Variants in DMD observed in about 807,000 individuals in gnomAD.
The protein encoded by DMD is mutant dystrophin.
In DMD, 63 loss-of-function variants were observed where a neutral mutation model predicts 330.1. That is an observed-to-expected ratio of 0.19 (90% CI 0.16 to 0.24). The LOEUF (loss-of-function observed/expected upper bound fraction) is 0.24, where lower values mean the gene tolerates loss of function less well. Ranked by LOEUF, DMD falls within the 10% of genes least tolerant of loss-of-function variation. The pLI is 1.00. For synonymous variants in DMD, 1,223 were observed against 959.8 expected (o/e 1.27, Z -5.07); for missense variants, 3,344 against 2,684.1 (o/e 1.25, Z -5.43).
intron 29 of DMD, among the ~76,000 whole-genome samples, chrX:32,428,793 G>T (rs964551147): frequency 3.6e-5 from 4 of 110,975 alleles, no homozygotes; most frequent in African/African-American, 6.6e-5. Flanking sequence ...TGTATTTTTA[G>T]CAGAGACGGG....
intron 2 of DMD, among the ~76,000 whole-genome samples, chrX:32,857,924 C>A (rs1314472509): frequency 9.1e-6 from 1 of 110,343 alleles, no homozygotes; most frequent in Non-Finnish European, 1.9e-5. Flanking sequence ...CTGGAGGTAA[C>A]CAAAATGGAG....
At position 33,211,448 on chromosome X, in the gene DMD, T is replaced by C; in HGVS notation, c.-136A>G. 8.8e-7 allele frequency: 1 copy of C among 1,140,986 alleles called. No homozygotes were observed. The highest frequency in any genetic ancestry group is 1.2e-6 in the Non-Finnish European group (1 of 859,977). 94.0% of individuals were successfully genotyped at this position (1,140,986 alleles called of 1,213,427 possible). On this transcript the variant is annotated 5_prime_UTR_variant, in exon 1 of 79. Coordinates refer to ENST00000357033, the MANE Select transcript of DMD (RefSeq NM_004006.3). ...TTTAAAAAAAGTAACACTTCAGTTT[T>C]TCCTATTCGTTTTTCTCCGAAGGTA...
intron 62 of DMD, among the ~76,000 whole-genome samples, chrX:31,278,091 A>G (rs774977595): frequency 2.7e-5 from 3 of 111,215 alleles, no homozygotes; most frequent in Admixed American, 1.9e-4. Context: ...TCTTTCAATC[A>G]TACAAGCATG....
chrX:31,632,966 G>A (rs1402222792), intron 54 of DMD, among the ~76,000 whole-genome samples: 1 of 111,758 alleles, frequency 8.9e-6, no homozygotes, highest in Non-Finnish European at 1.9e-5. Context: ...TGGATTAGTA[G>A]TCCATTCCTA....
chrX:32,615,911 G>T (rs1047708763), intron 11 of DMD, among the ~76,000 whole-genome samples: 5 of 111,211 alleles, frequency 4.5e-5, no homozygotes, highest in Non-Finnish European at 9.5e-5. Context: ...ACTATTTTTT[G>T]TATTTCAGTA....
intron 5 of DMD, among the ~76,000 whole-genome samples, chrX:32,820,459 A>T (rs376831770): frequency 0.011 from 1,266 of 111,730 alleles, 16 homozygotes; most frequent in African/African-American, 0.038. Flanking sequence ...AAAAATAAAA[A>T]AATAATAATA....
At chrX:32,121,715 G>A (rs751311777) in intron 44 of DMD, among the ~76,000 whole-genome samples, 2 of 92,645 alleles carry the variant, frequency 2.2e-5, no homozygotes, top group Admixed American at 2.4e-4. Flanking sequence ...GAGCAGAAGG[G>A]CATTGGAAGG....
At chrX:32,593,529 A>C (rs808549) in intron 13 of DMD, among the ~76,000 whole-genome samples, 56,633 of 110,279 alleles carry the variant, frequency 0.51, 11,879 homozygotes, top group African/African-American at 0.8. Context: ...AAAGAGGGAG[A>C]CTGAGATATA....
At chrX:32,314,817 G>A (rs754413171) in intron 41 of DMD, among the ~76,000 whole-genome samples, 1 of 111,868 alleles carries the variant, frequency 8.9e-6, no homozygotes, top group Non-Finnish European at 1.9e-5. Context: ...TTAGAGAAAT[G>A]CAAGTCAAAA....
intron 60 of DMD, among the ~76,000 whole-genome samples, chrX:31,356,728 G>A (rs2058694146): frequency 8.9e-6 from 1 of 111,920 alleles, no homozygotes; most frequent in Non-Finnish European, 1.9e-5. Flanking sequence ...CTGTGATAAT[G>A]GAGTCAGGTT....
intron 13 of DMD, among the ~76,000 whole-genome samples, chrX:32,575,980 G>A (rs2052999302): frequency 8.9e-6 from 1 of 112,169 alleles, no homozygotes; most frequent in African/African-American, 3.2e-5. Context: ...AGGTGGAAAT[G>A]TATAATTTAT....
At chrX:32,397,257 T>G (rs6631572) in intron 30 of DMD, among the ~76,000 whole-genome samples, 51,249 of 110,139 alleles carry the variant, frequency 0.47, 10,534 homozygotes, top group East Asian at 0.81. Context: ...ATATGGATAG[T>G]AAGCATTTGA....
At chrX:32,988,317 TA>T (rs1295364857) in intron 2 of DMD, among the ~76,000 whole-genome samples, 2 of 111,881 alleles carry the variant, frequency 1.8e-5, no homozygotes, top group Non-Finnish European at 3.8e-5. Flanking sequence ...CAGAAATCAC[TA>T]AAATGGAATC....
chrX:32,858,686 C>T (rs181381319), intron 2 of DMD, among the ~76,000 whole-genome samples: 2 of 110,937 alleles, frequency 1.8e-5, no homozygotes, highest in African/African-American at 3.3e-5. Flanking sequence ...CCCGTTCCCA[C>T]GGTCTGATGT....
At chrX:32,790,223 G>A (rs1468344608) in intron 7 of DMD, among the ~76,000 whole-genome samples, 2 of 111,733 alleles carry the variant, frequency 1.8e-5, no homozygotes, top group Admixed American at 1.9e-4. Flanking sequence ...CAACAGAGAA[G>A]CAATGAAAAC....
intron 54 of DMD, among the ~76,000 whole-genome samples, chrX:31,655,562 T>C (rs752690670): frequency 4.0e-4 from 45 of 111,471 alleles, no homozygotes; most frequent in African/African-American, 1.3e-3. Flanking sequence ...CCCAAACTTA[T>C]GGTAAAATTT....
At chrX:32,986,328 T>C (rs1482338406) in intron 2 of DMD, among the ~76,000 whole-genome samples, 1 of 112,460 alleles carries the variant, frequency 8.9e-6, no homozygotes, top group African/African-American at 3.2e-5. Flanking sequence ...TTAGGAGATA[T>C]CAGTTACTTA....
rs181141843 is a variant in DMD at position 31,901,274 on chromosome X, A to G, written c.6913-25901T>C. 2.9e-3 allele frequency among the ~76,000 whole-genome samples: 325 copies of G among 111,687 alleles called. 4 individuals are homozygous for G. The highest frequency in any genetic ancestry group is 0.01 in the African/African-American group (308 of 30,774). ...AAGGTTTTCAAACTCTTGCCCAAAC[A>G]TACCTTTTCAATGTCAAACACAATC... On this transcript the variant is annotated intron_variant, in intron 47 of 78. Coordinates refer to ENST00000357033, the MANE Select transcript of DMD (RefSeq NM_004006.3).
intron 59 of DMD, among the ~76,000 whole-genome samples, chrX:31,449,147 G>A (rs181156526): frequency 7.2e-4 from 80 of 111,474 alleles, no homozygotes; most frequent in Admixed American, 1.3e-3. Context: ...GCTTGGAGGG[G>A]TTTTATTTCC....
Sources: gnomAD v4.1 joint callset for allele counts (sites outside exome capture counted in the v4.1 genomes callset) on GRCh38, gnomAD v4.1.1 for gene constraint, MANE v1.5 for transcripts, NCBI Gene and HGNC (gene_info 2026-07-23, HGNC 2026-07-21) for gene names.